Variants in CCDC149 observed in about 807,000 individuals in gnomAD.
CCDC149 encodes coiled-coil domain-containing protein 149.
CCDC149 carries 45 observed loss-of-function variants against 59.9 expected under a neutral mutation model. The observed-to-expected ratio is 0.75, with a 90% CI of 0.59 to 0.96. CCDC149 has a LOEUF of 0.96. Ranked by LOEUF, CCDC149 falls within the 40% of genes least tolerant of loss-of-function variation. The pLI is 0.00. For synonymous variants in CCDC149, 245 were observed against 260.6 expected (o/e 0.94, Z 0.58); for missense variants, 584 against 664.7 (o/e 0.88, Z 1.33).
chr4:24,912,397 C>T (rs1480033499), intron 1 of CCDC149, among the ~76,000 whole-genome samples: 1 of 152,140 alleles, frequency 6.6e-6, no homozygotes, highest in South Asian at 2.1e-4. Context: ...TCCACCTGGC[C>T]CAGGTTCCAC....
At chr4:24,843,569 AT>A (rs1228610417) in intron 4 of CCDC149, among the ~76,000 whole-genome samples, 1 of 152,176 alleles carries the variant, frequency 6.6e-6, no homozygotes, top group Non-Finnish European at 1.5e-5. Context: ...AAATTCCTAG[AT>A]TTATATGACA....
rs541195940 is a variant in CCDC149, at chr4:24,837,881, G to A, written c.489+275C>T. 6.6e-5 allele frequency among the ~76,000 whole-genome samples: 10 copies of A among 152,324 alleles called. No individual in the cohort carries two copies. Among genetic ancestry groups the A allele is most frequent in the African/African-American group, 2.2e-4 (9 of 41,576 alleles). On this transcript the variant is annotated intron_variant, in intron 5 of 12. Coordinates refer to ENST00000635206, the MANE Select transcript of CCDC149 (RefSeq NM_001330643.2). This position sits in a 1 kb window ranked among gnomAD's most constrained non-coding sequence, Gnocchi z 4.3. ...TTGCAAAGTAAGGCCAGTTTGTCAC[G>A]TGTTGTTCTCTCCCTGTCTATCCTG...
At chr4:24,836,537 T>A in intron 6 of CCDC149, 29 bp from the exon 7 acceptor site, 1 of 1,454,352 alleles carries the variant, frequency 6.9e-7, no homozygotes, top group Non-Finnish European at 9.6e-7. Flanking sequence ...AACTAGGAGG[T>A]GTTTAAGGGC....
At chr4:24,963,447 ACT>A (rs1169713471) in intron 1 of CCDC149, among the ~76,000 whole-genome samples, 1 of 151,730 alleles carries the variant, frequency 6.6e-6, no homozygotes, top group Non-Finnish European at 1.5e-5. Flanking sequence ...TCACACACAC[ACT>A]CTCAGTGTCA....
chr4:24,837,189 G>A lies in CCDC149; in HGVS notation c.662+39C>T, dbSNP rs1229669861. 6.2e-7 allele frequency: 1 copy of A among 1,600,832 alleles called. No homozygotes were observed. The highest frequency in any genetic ancestry group is 1.3e-5 in the African/African-American group (1 of 74,746). The stretch of plus-strand genomic sequence containing the variant: ...CAGCCTGCAGGCCTGTGCAGAGCCA[G>A]CCTTCCTCCCACGCACAGGCCTGGG... On this transcript the variant is annotated intron_variant, in intron 6 of 12. Transcript: ENST00000635206. The surrounding 1 kb of genome is among the most constrained non-coding windows in gnomAD (Gnocchi z 4.3).
chr4:24,812,739 A>T (rs374132537), intron 12 of CCDC149, among the ~76,000 whole-genome samples: 66 of 152,344 alleles, frequency 4.3e-4, no homozygotes, highest in African/African-American at 1.5e-3. Flanking sequence ...CCTCACAATC[A>T]TGGTAGAAGA....
At chr4:24,842,247 T>A (rs1397793533) in intron 4 of CCDC149, among the ~76,000 whole-genome samples, 5 of 152,210 alleles carry the variant, frequency 3.3e-5, no homozygotes, top group African/African-American at 1.2e-4. Flanking sequence ...AAATAATAAA[T>A]GTTAGGGACT....
intron 1 of CCDC149, among the ~76,000 whole-genome samples, chr4:24,974,457 T>C (rs1346127835): frequency 1.3e-5 from 2 of 152,220 alleles, no homozygotes; most frequent in Admixed American, 6.5e-5. Context: ...GAAGCCCTGA[T>C]GTCAACTCCC....
intron 9 of CCDC149, among the ~76,000 whole-genome samples, chr4:24,824,754 C>T (rs1310873758): frequency 1.3e-5 from 2 of 152,212 alleles, no homozygotes; most frequent in Non-Finnish European, 2.9e-5. Context: ...GAGGCTGTAT[C>T]GGAATGTAAG....
intron 1 of CCDC149, among the ~76,000 whole-genome samples, chr4:24,931,656 G>T (rs959256912): frequency 3.3e-5 from 5 of 151,530 alleles, no homozygotes; most frequent in Admixed American, 1.3e-4. Context: ...AAGCACTGGG[G>T]ATCAAGCAGG....
intron 9 of CCDC149, chr4:24,829,786 C>G (rs1716013336): frequency 6.6e-6 from 1 of 152,316 alleles, no homozygotes; most frequent in Admixed American, 6.5e-5. Context: ...TCCCCACCCC[C>G]CAGCCGCTGC....
chr4:24,977,738 G>A (rs1055962639), intron 1 of CCDC149, among the ~76,000 whole-genome samples: 14 of 152,286 alleles, frequency 9.2e-5, no homozygotes, highest in African/African-American at 3.4e-4. Flanking sequence ...ATACCACATA[G>A]GTCTGCCTGT....
intron 1 of CCDC149, among the ~76,000 whole-genome samples, chr4:24,961,629 A>C (rs1455929752): frequency 6.6e-6 from 1 of 152,234 alleles, no homozygotes; most frequent in Non-Finnish European, 1.5e-5. Context: ...CCAATGGAAC[A>C]GAACAGAGCC....
intron 1 of CCDC149, among the ~76,000 whole-genome samples, chr4:24,973,453 T>C (rs924385518): frequency 1.3e-5 from 2 of 152,224 alleles, no homozygotes; most frequent in Non-Finnish European, 2.9e-5. Flanking sequence ...ATATCAACTG[T>C]ACCTCAATAA....
At chr4:24,914,276 G>T (rs2109332233), upstream of CCDC149, among the ~76,000 whole-genome samples, 1 of 151,270 alleles carries the variant, frequency 6.6e-6, no homozygotes, top group African/African-American at 2.4e-5. Context: ...TTGCAAAATG[G>T]CAGCAATCAT....
intron 12 of CCDC149, among the ~76,000 whole-genome samples, chr4:24,817,323 A>G (rs905943865): frequency 7.9e-5 from 12 of 152,284 alleles, no homozygotes; most frequent in Non-Finnish European, 1.6e-4. Flanking sequence ...CAGCCTTACA[A>G]GCAGCCACAT....
At chr4:24,926,634 C>A (rs1722438874) in intron 1 of CCDC149, among the ~76,000 whole-genome samples, 2 of 152,194 alleles carry the variant, frequency 1.3e-5, no homozygotes, top group Admixed American at 1.3e-4. Context: ...CCTATTGCTT[C>A]CAAACTTGGT....
intron 2 of CCDC149, among the ~76,000 whole-genome samples, chr4:24,874,116 AAAAGAGAGAG>A (rs1233147380): frequency 6.6e-6 from 1 of 152,050 alleles, no homozygotes; most frequent in Non-Finnish European, 1.5e-5. Context: ...GAGAGAGAGG[AAAAGAGAGAG>A]AAAGAGAGAG....
chr4:24,940,392 G>C (rs1479675118), intron 1 of CCDC149, among the ~76,000 whole-genome samples: 1 of 152,178 alleles, frequency 6.6e-6, no homozygotes, highest in Admixed American at 6.5e-5. Context: ...GCTCCTGAAG[G>C]AAGCACTAAA....
Sources: allele counts gnomAD v4.1 joint callset (sites outside exome capture counted in the v4.1 genomes callset), GRCh38; gene constraint gnomAD v4.1.1; non-coding constraint Gnocchi (gnomAD v3.1); transcripts MANE v1.5; gene names NCBI Gene and HGNC (gene_info 2026-07-23, HGNC 2026-07-21).